ANKRD34B: variants seen among roughly 807,000 people sequenced by gnomAD.
ANKRD34B encodes the protein ankyrin repeat domain-containing protein 34B.
ANKRD34B carries 2 observed loss-of-function variants against 4.4 expected under a neutral mutation model. That is an observed-to-expected ratio of 0.46 (90% confidence interval 0.19 to 1.44). The LOEUF is 1.44. Among genes scored for constraint, ANKRD34B ranks in the 40% most tolerant of loss-of-function variants. ANKRD34B has a pLI of 0.26. For missense variants in ANKRD34B, 558 were observed against 604.7 expected, an observed-to-expected ratio of 0.92 and a Z score of 0.81; for synonymous variants, 226 against 227.1, an observed-to-expected ratio of 0.99 and a Z score of 0.05.
At position 80,558,045 on chromosome 5, in the gene ANKRD34B, G is replaced by C. The variant is rs1746294053; in HGVS notation, c.*430C>G. On this transcript the variant is annotated 3_prime_UTR_variant, in exon 5 of 5. Transcript: ENST00000338682. ...ACAGCTGTCGGTGTTTTCTTTTATGGTTTAGAGATCATAAAAAATTTCAAT... is the reference window on the plus strand; with the variant it reads ...ACAGCTGTCGGTGTTTTCTTTTATGCTTTAGAGATCATAAAAAATTTCAAT... 6.5e-6 allele frequency: 1 copy of C among 153,292 alleles called. No homozygotes were observed. The highest frequency in any genetic ancestry group is 6.5e-5 in the Admixed American group (1 of 15,464). The allele number at this position is 153,292 out of a possible 1,614,324, so 9.5% of individuals were successfully genotyped here.
At position 80,559,944 on chromosome 5, in the gene ANKRD34B, T is replaced by C. The variant is rs763658538; in HGVS notation, c.76A>G (p.Thr26Ala). 3.1e-6 allele frequency: 5 copies of C among 1,614,098 alleles called. No homozygotes were observed. The highest frequency in any genetic ancestry group is 4.2e-6 in the Non-Finnish European group (5 of 1,179,978). Residue 26 changes from threonine to alanine, a missense_variant, in exon 5 of 5, where the codon ACA becomes GCA. By Grantham distance (58) the Thr-to-Ala change is moderately conservative (BLOSUM62 0). Coordinates refer to ENST00000338682, the MANE Select transcript of ANKRD34B (RefSeq NM_001004441.3). ...GCACCGCCTTCTAGCAAAAGTCTTG[T>C]GAGGCGAAGCCGGCTCTGATGGACT... ...KAVHQSRLRL[T>A]RLLLEGGAYI...
chr5:80,562,978 CATATT>C (rs1037923613), intron 4 of ANKRD34B, among the ~76,000 whole-genome samples: 3 of 151,918 alleles, frequency 2.0e-5, no homozygotes, highest in African/African-American at 7.2e-5. Context: ...TTGGAGGAAA[CATATT>C]AATCGGAAAA....
chr5:80,561,555 G>A (rs1466162027), intron 4 of ANKRD34B, among the ~76,000 whole-genome samples: 1 of 152,162 alleles, frequency 6.6e-6, no homozygotes, highest in African/African-American at 2.4e-5. Context: ...GACATGTGCT[G>A]GGCACTGAGC....
intron 2 of ANKRD34B, among the ~76,000 whole-genome samples, chr5:80,568,472 C>G (rs1050239013): frequency 7.2e-5 from 11 of 152,138 alleles, no homozygotes; most frequent in African/African-American, 2.7e-4. Flanking sequence ...GTAGAATGGG[C>G]CAGGAGCTGG....
In ANKRD34B at chr5:80,566,292, TG is replaced by T. The variant is rs1476739253; in HGVS notation, c.-105+396del. Among the ~76,000 whole-genome samples the T allele has an allele frequency of 3.3e-5, 5 of 152,132 alleles. No individual in the cohort carries two copies. The East Asian group carries it at 9.6e-4, about 29-fold the overall frequency. On this transcript the variant is annotated intron_variant, in intron 3 of 4. Transcript: ENST00000338682. ...TAGAGGTCCCAAGTGCCATAGAAAA[TG>T]GCAATGAGTATCAGGGCTTAGAACA... is the stretch of plus-strand genomic sequence containing the variant.
chr5:80,563,417 C>G (rs1746463504), intron 4 of ANKRD34B, among the ~76,000 whole-genome samples: 1 of 152,114 alleles, frequency 6.6e-6, no homozygotes, highest in Non-Finnish European at 1.5e-5. Flanking sequence ...CAGAAAAGAG[C>G]ATAGCATATA....
rs1440116464 is a variant in ANKRD34B, at chr5:80,559,884, G to A, written c.136C>T (p.Pro46Ser). ...TTGGTCTTACAAGCGATCATTAAAG[G>A]GGTTTCCCCACGGTCGTTGCTCTCA... ...INESNDRGETPLMIACKTKHV... is the reference protein window; with the variant it reads ...INESNDRGETSLMIACKTKHV... The change falls in exon 5 of 5, where the codon CCT becomes TCT. Residue 46 changes from proline to serine, a missense_variant. Coordinates refer to ENST00000338682, the MANE Select transcript of ANKRD34B (RefSeq NM_001004441.3). 1 of 1,614,104 alleles carries A rather than the reference G, an allele frequency of 6.2e-7. No individual in the cohort carries two copies. The highest frequency in any genetic ancestry group is 8.5e-7 in the Non-Finnish European group (1 of 1,180,058).
chr5:80,564,897 G>T (rs1580480694), intron 3 of ANKRD34B, among the ~76,000 whole-genome samples: 1 of 151,954 alleles, frequency 6.6e-6, no homozygotes, highest in East Asian at 1.9e-4. Context: ...TAGAGATGGG[G>T]TTTCTTCACG....
At position 80,558,258 on chromosome 5, in the gene ANKRD34B, C is replaced by T. The variant is rs927248374; in HGVS notation, c.*217G>A. 4.4e-5 allele frequency: 16 copies of T among 360,096 alleles called. No homozygotes were observed. Among genetic ancestry groups the T allele is most frequent in the East Asian group, 9.1e-5 (2 of 22,058 alleles). The allele number at this position is 360,096 out of a possible 1,614,324, so 22.3% of individuals were successfully genotyped here. ...AAATATTAGAAGCATTGAGAAAAAT[C>T]GCTTTCCTTTTGTTTGAGAGAATTC... On this transcript the variant is annotated 3_prime_UTR_variant, in exon 5 of 5. Transcript: ENST00000338682.
chr5:80,568,032 T>C (rs1746628816), intron 2 of ANKRD34B, among the ~76,000 whole-genome samples: 1 of 152,198 alleles, frequency 6.6e-6, no homozygotes, highest in South Asian at 2.1e-4. Flanking sequence ...ATTCAATAAA[T>C]GTCCATTTAC....
At position 80,558,693 on chromosome 5, in the gene ANKRD34B, G is replaced by A. The variant is rs1008270083; in HGVS notation, c.1327C>T (p.Gln443Ter). 1.2e-6 allele frequency: 2 copies of A among 1,614,108 alleles called. No individual in the cohort carries two copies. Among genetic ancestry groups the A allele is most frequent in the East Asian group, 2.2e-5 (1 of 44,872 alleles). ...GGTGGGAGAAACCCTTGTCTGGTTT[G>A]GGTAACACTGTGATCTAAAGGGAAA... ...GAFPLDHSVTQTRQGFLPPLN... is the reference protein window; with the variant it reads ...GAFPLDHSVT Residue 443 changes from glutamine to a stop codon, truncating the protein, a stop_gained, in exon 5 of 5, where the codon CAA (glutamine) becomes TAA (stop). Transcript: ENST00000338682. LOFTEE classifies it high-confidence loss of function.
At position 80,568,945 on chromosome 5, in the gene ANKRD34B, G is replaced by GAGAGAGAGAA. The variant is rs1554060897; in HGVS notation, c.-191+14_-191+15insTTCTCTCTCT. On this transcript the variant is annotated intron_variant, in intron 2 of 4. Coordinates refer to ENST00000338682, the MANE Select transcript of ANKRD34B (RefSeq NM_001004441.3). ...ACACACAGAGAGAGAGAGAGAGAGA[G>GAGAGAGAGAA]AGAGAGAGGCCAACCTAGTCCTCCA... The GAGAGAGAGAA allele has an allele frequency of 1.4e-5, 2 of 139,450 alleles. No individual in the cohort carries two copies. Among genetic ancestry groups the GAGAGAGAGAA allele is most frequent in the Non-Finnish European group, 3.2e-5 (2 of 62,506 alleles). 8.6% of individuals were successfully genotyped at this position (139,450 alleles called of 1,614,324 possible).
Position 80,559,341 on chromosome 5 carries a change from C to A in ANKRD34B, c.679G>T (p.Gly227Cys). The part of the protein sequence containing the change: ...AGSNDDTWDP[G>C]SPVRKPALAP... ...AATGCAGGTTTCCTCACAGGGGAAC[C>A]TGGGTCCCAGGTATCATCATTGCTT... Residue 227 changes from glycine to cysteine, a missense_variant, in exon 5 of 5, where the codon GGT becomes TGT. Physicochemically the swap from Gly to Cys is radical, Grantham distance 159 (BLOSUM62 -3). Transcript: ENST00000338682. 5 of 1,614,174 alleles carry A rather than the reference C, an allele frequency of 3.1e-6. No homozygotes were observed. Among genetic ancestry groups the A allele is most frequent in the Non-Finnish European group, 4.2e-6 (5 of 1,180,034 alleles).
chr5:80,569,632 C>T (rs1232430375), intron 1 of ANKRD34B, among the ~76,000 whole-genome samples: 1 of 151,790 alleles, frequency 6.6e-6, no homozygotes, highest in African/African-American at 2.4e-5. Flanking sequence ...CCCTCCGACC[C>T]GCGCGCTCTT....
At position 80,559,405 on chromosome 5, in the gene ANKRD34B, T is replaced by G; in HGVS notation, c.615A>C (p.Glu205Asp). 1 of 1,614,228 alleles carries G rather than the reference T, an allele frequency of 6.2e-7. No homozygotes were observed. Among genetic ancestry groups the G allele is most frequent in the Non-Finnish European group, 8.5e-7 (1 of 1,180,040 alleles). The change falls in exon 5 of 5, where the codon GAA (glutamate) becomes GAC (aspartate). Residue 205 changes from glutamate to aspartate, a missense_variant. By Grantham distance (45) the Glu-to-Asp change is conservative. Transcript: ENST00000338682. Reference sequence around the variant, plus strand: ...GATCTTTAAAGCCAAAAAGCGTCAGTTCCGTTTCAGAAGAATGTGAAAGTG... The same window carrying G: ...GATCTTTAAAGCCAAAAAGCGTCAGGTCCGTTTCAGAAGAATGTGAAAGTG... Reference protein sequence around the residue: ...SSPLSHSSETELTLFGFKDLE... With the variant: ...SSPLSHSSETDLTLFGFKDLE...
chr5:80,559,018 T>C lies in ANKRD34B; in HGVS notation c.1002A>G (p.Gln334=). 6.2e-7 allele frequency: 1 copy of C among 1,614,222 alleles called. No individual in the cohort carries two copies. Among genetic ancestry groups the C allele is most frequent in the Non-Finnish European group, 8.5e-7 (1 of 1,180,036 alleles). ...CQSYLSEGNQ[Q]CIEVPVDQDP... ...CCTGGTCAACAGGGACTTCAATGCA[T>C]TGCTGATTTCCTTCTGAAAGATAAG... Residue 334 remains glutamine (Q), a synonymous_variant, in exon 5 of 5, where the codon CAA becomes CAG. Transcript: ENST00000338682.
chr5:80,567,621 CAAAA>C (rs111603222), intron 2 of ANKRD34B, among the ~76,000 whole-genome samples: 1 of 50,554 alleles, frequency 2.0e-5, no homozygotes, highest in African/African-American at 6.3e-5. Context: ...GACTCCGTCT[CAAAA>C]AAAAAAAAAA....
chr5:80,568,919 CACACACAGAGAG>C (rs1561396269), intron 2 of ANKRD34B, 29 bp downstream of exon 2: 2 of 78,798 alleles, frequency 2.5e-5, no homozygotes, highest in Non-Finnish European at 5.9e-5. Context: ...CACACACACA[CACACACAGAGAG>C]AGAGAGAGAG....
In ANKRD34B at chr5:80,558,650, T is replaced by TGA; in HGVS notation, c.1368_1369dup (p.His457LeufsTer43). ...GACATTGATATCTGAGATGGGAGGG[T>TGA]GAGAATTTACATTTAAGGGTGGGAG... is the stretch of plus-strand genomic sequence containing the variant. On this transcript the variant is annotated frameshift_variant, in exon 5 of 5. Transcript: ENST00000338682. LOFTEE classifies it high-confidence loss of function. 6.2e-7 allele frequency: 1 copy of TGA among 1,613,936 alleles called. No individual in the cohort carries two copies.
Sources: allele counts gnomAD v4.1 joint callset (sites outside exome capture counted in the v4.1 genomes callset), GRCh38; gene constraint gnomAD v4.1.1; transcripts MANE v1.5; gene names NCBI Gene and HGNC (gene_info 2026-07-23, HGNC 2026-07-21).